The following THBS4 variants were observed in gnomAD, a reference collection of about 807,000 sequenced individuals.
The protein encoded by THBS4 is thrombospondin-4.
A neutral mutation model predicts 115.7 loss-of-function variants in THBS4; 90 were observed. The observed-to-expected ratio is 0.78, with a 90% confidence interval of 0.66 to 0.93. The LOEUF (loss-of-function observed/expected upper bound fraction) is 0.93, where lower values mean the gene tolerates loss of function less well. THBS4 is among the 40% of genes least tolerant of loss of function. The pLI, the probability that THBS4 is intolerant of heterozygous loss-of-function variation, is 0.00. For missense variants in THBS4, 1,087 were observed against 1,232.7 expected (o/e 0.88, Z 1.77); for synonymous variants, 460 against 479.3 (o/e 0.96, Z 0.53).
At chr5:80,009,529 T>C (rs1330103764) in intron 2 of THBS4, among the ~76,000 whole-genome samples, 2 of 152,208 alleles carry the variant, frequency 1.3e-5, no homozygotes, top group Admixed American at 6.5e-5. Context: ...TCTTCGGTTG[T>C]GTAGTGAGAG....
chr5:80,036,603 AC>A (rs2112019655), intron 1 of THBS4, among the ~76,000 whole-genome samples: 1 of 152,200 alleles, frequency 6.6e-6, no homozygotes, highest in East Asian at 1.9e-4. Flanking sequence ...CAATCCTCAA[AC>A]CCCTTGGTGA....
intron 2 of THBS4, among the ~76,000 whole-genome samples, chr5:80,018,231 T>C (rs549923893): frequency 1.5e-4 from 23 of 152,138 alleles, no homozygotes; most frequent in African/African-American, 5.5e-4. Context: ...CTTATTATAT[T>C]TTGAAATCTC....
At chr5:80,051,068 T>C (rs1393146614) in intron 2 of THBS4, among the ~76,000 whole-genome samples, 2 of 152,176 alleles carry the variant, frequency 1.3e-5, no homozygotes, top group Non-Finnish European at 2.9e-5. Context: ...GTTTTGTTCC[T>C]TCTGCTATGT....
intron 2 of THBS4, among the ~76,000 whole-genome samples, chr5:80,010,488 C>T (rs1000590518): frequency 2.6e-5 from 4 of 152,228 alleles, no homozygotes; most frequent in African/African-American, 9.6e-5. Flanking sequence ...ACATTCTCCT[C>T]ATCCACATGG....
chr5:80,059,893 T>C lies in THBS4; in HGVS notation c.975T>C (p.Ile325=). 6.2e-7 allele frequency: 1 copy of C among 1,613,840 alleles called. No individual in the cohort carries two copies. The highest frequency in any genetic ancestry group is 8.5e-7 in the Non-Finnish European group (1 of 1,179,954). ...ACACAGGAAACGGGATCACCTGTAT[T>C]GATGTTGATGAGGTAAAAGTTCACT... ...EGYTGNGITC[I]DVDECKYHPC... is the part of the protein sequence containing the mutation. The change falls in exon 7 of 22, where the codon ATT becomes ATC. Residue 325 remains isoleucine, a synonymous_variant. Coordinates refer to ENST00000350881, the MANE Select transcript of THBS4 (RefSeq NM_003248.6).
intron 2 of THBS4, among the ~76,000 whole-genome samples, chr5:80,020,608 G>A (rs1832351830): frequency 6.6e-6 from 1 of 152,208 alleles, no homozygotes; most frequent in South Asian, 2.1e-4. Context: ...GTGGATCGCT[G>A]ACCCTGAAAA....
chr5:80,078,983 C>T lies in THBS4; in HGVS notation c.2314+14C>T. 6.2e-7 allele frequency: 1 copy of T among 1,614,012 alleles called. No homozygotes were observed. The highest frequency in any genetic ancestry group is 1.1e-5 in the South Asian group (1 of 91,062). On this transcript the variant is annotated intron_variant, in intron 18 of 21. Transcript: ENST00000350881. ...GCCTGGCAGTGGGTATGTCCAGGGC[C>T]TCAGTTGCCACTCACATAGAATTCT...
At chr5:80,081,025 A>C (rs879117076) in intron 20 of THBS4, among the ~76,000 whole-genome samples, 1 of 152,084 alleles carries the variant, frequency 6.6e-6, no homozygotes, top group South Asian at 2.1e-4. Context: ...TTGTTTTTTA[A>C]GTATTCTCGG....
At chr5:80,082,802 A>G (rs1480184722) in intron 21 of THBS4, among the ~76,000 whole-genome samples, 1 of 152,258 alleles carries the variant, frequency 6.6e-6, no homozygotes, top group Admixed American at 6.5e-5. Flanking sequence ...GTCAGATTTA[A>G]TTTACAGGAA....
At chr5:80,025,376 G>C (rs1832456142) in intron 2 of THBS4, among the ~76,000 whole-genome samples, 1 of 152,142 alleles carries the variant, frequency 6.6e-6, no homozygotes, top group South Asian at 2.1e-4. Flanking sequence ...GTATGCTAGG[G>C]CAAGTCTGCA....
At chr5:80,072,246 C>T (rs1317684056) in intron 13 of THBS4, 32 bp from the exon 14 acceptor site, 7 of 1,595,894 alleles carry the variant, frequency 4.4e-6, no homozygotes, top group South Asian at 1.1e-5. Context: ...AGTGACATTC[C>T]CCTGACTCAA....
chr5:80,058,604 G>T lies in THBS4; in HGVS notation c.650-104G>T, dbSNP rs150401388. 332 of 1,012,624 alleles carry T rather than the reference G, an allele frequency of 3.3e-4. 1 individual carries two copies. Among genetic ancestry groups the T allele is most frequent in the Middle Eastern group, 6.3e-4 (3 of 4,780 alleles). The allele number at this position is 1,012,624 out of a possible 1,614,324, so 62.7% of individuals were successfully genotyped here. A position where few individuals can be genotyped will look rare whatever the true frequency, so the allele number is the denominator to read the frequency against. On this transcript the variant is annotated intron_variant, in intron 4 of 21. Transcript: ENST00000350881. ...TTAAATTCAAAGATTCTGGGTTTTT[G>T]AATCATCTTGTCAGGATGATTTCCT...
intron 2 of THBS4, among the ~76,000 whole-genome samples, chr5:80,013,488 T>A (rs1488668267): frequency 1.3e-5 from 2 of 152,142 alleles, no homozygotes; most frequent in Non-Finnish European, 2.9e-5. Context: ...GGATCCTGCA[T>A]TGTCATATTT....
chr5:80,034,577 G>A (rs1030388087), upstream of THBS4, among the ~76,000 whole-genome samples: 1 of 152,082 alleles, frequency 6.6e-6, no homozygotes, highest in African/African-American at 2.4e-5. Context: ...TTCTACTCCC[G>A]TACCTTTAAA....
intron 3 of THBS4, among the ~76,000 whole-genome samples, chr5:80,057,944 A>G (rs1249732263): frequency 6.6e-6 from 1 of 152,260 alleles, no homozygotes. Flanking sequence ...TTTACCATGT[A>G]GGAAAAGAGC....
At chr5:80,059,076 A>T (rs1833533816) in intron 5 of THBS4, among the ~76,000 whole-genome samples, 1 of 152,218 alleles carries the variant, frequency 6.6e-6, no homozygotes, top group African/African-American at 2.4e-5. Context: ...TCATGACTGT[A>T]ATCCCAGCAC....
At chr5:80,078,869 G>A in intron 17 of THBS4, 52 bp from the exon 18 acceptor site, 1 of 1,578,576 alleles carries the variant, frequency 6.3e-7, no homozygotes, top group Non-Finnish European at 8.6e-7. Flanking sequence ...GCTTCCTTAA[G>A]GTTACTTGGC....
At chr5:80,082,184 C>CCA (rs1193277730) in intron 20 of THBS4, 55 of 443,916 alleles carry the variant, frequency 1.2e-4, no homozygotes, top group Admixed American at 8.0e-4. Context: ...CCACCCCCCT[C>CCA]CACACACACA....
chr5:80,070,572 T>C (rs1176863169), intron 11 of THBS4, 71 bp from the exon 12 acceptor site: 3 of 1,483,826 alleles, frequency 2.0e-6, no homozygotes, highest in Non-Finnish European at 2.8e-6. Flanking sequence ...CCACAGTGTC[T>C]TGAGGTCAGA....
Sources: gnomAD v4.1 joint callset for allele counts (sites outside exome capture counted in the v4.1 genomes callset) on GRCh38, gnomAD v4.1.1 for gene constraint, MANE v1.5 for transcripts, NCBI Gene and HGNC (gene_info 2026-07-23, HGNC 2026-07-21) for gene names.